Variants in INPP4A observed in about 807,000 individuals in gnomAD.
INPP4A encodes the protein inositol polyphosphate-4-phosphatase type I A, also known as inositol polyphosphate-4-phosphatase, type I, 107kD.
A neutral mutation model predicts 119.8 loss-of-function variants in INPP4A; 33 were observed. The observed-to-expected ratio is 0.28, with a 90% CI of 0.21 to 0.37. INPP4A has a LOEUF of 0.37. Among genes scored for constraint, INPP4A ranks in the 10% least tolerant of loss-of-function variants. INPP4A has a pLI of 1.00. For missense variants in INPP4A, 956 were observed against 1,289.9 expected (o/e 0.74, Z 3.97); for synonymous variants, 496 against 500.7 (o/e 0.99, Z 0.12).
intron 10 of INPP4A, among the ~76,000 whole-genome samples, chr2:98,542,141 C>T (rs1441047532): frequency 1.3e-5 from 2 of 152,220 alleles, no homozygotes; most frequent in Non-Finnish European, 2.9e-5. Context: ...TAAACTAACA[C>T]CTGAAGCATA....
At chr2:98,521,072 G>A (rs1186337513) in intron 4 of INPP4A, 2 of 230,666 alleles carry the variant, frequency 8.7e-6, no homozygotes, top group African/African-American at 2.3e-5. Flanking sequence ...AAGGGAAGGA[G>A]GGGTTGGGGA....
chr2:98,524,822 A>C (rs1687886141), intron 4 of INPP4A, among the ~76,000 whole-genome samples: 1 of 152,230 alleles, frequency 6.6e-6, no homozygotes, highest in African/African-American at 2.4e-5. Context: ...CTAGAAGAAA[A>C]ATAGGAGAAC....
At chr2:98,475,254 A>G (rs940422181) in intron 1 of INPP4A, among the ~76,000 whole-genome samples, 4 of 152,080 alleles carry the variant, frequency 2.6e-5, no homozygotes, top group African/African-American at 9.7e-5. Flanking sequence ...TGGGAGACAG[A>G]GGAGGGCCAG....
intron 16 of INPP4A, among the ~76,000 whole-genome samples, chr2:98,559,170 A>T (rs1347056401): frequency 6.6e-6 from 1 of 152,214 alleles, no homozygotes; most frequent in Non-Finnish European, 1.5e-5. Flanking sequence ...CATTGTAATA[A>T]GCTAGATCGC....
intron 19 of INPP4A, among the ~76,000 whole-genome samples, chr2:98,565,053 T>C (rs1559086127): frequency 6.6e-6 from 1 of 152,236 alleles, no homozygotes; most frequent in Non-Finnish European, 1.5e-5. Context: ...GAGGCACTTG[T>C]GGGCCTGTTT....
intron 24 of INPP4A, chr2:98,581,953 G>C: frequency 3.4e-6 from 3 of 872,526 alleles, no homozygotes; most frequent in Non-Finnish European, 4.9e-6. Context: ...AGACTTGTTT[G>C]TTTAGCTCCT....
intron 4 of INPP4A, among the ~76,000 whole-genome samples, chr2:98,527,554 A>G (rs1384127923): frequency 6.6e-6 from 1 of 152,230 alleles, no homozygotes; most frequent in African/African-American, 2.4e-5. Flanking sequence ...AGGGCTGTGC[A>G]CATGTCCAGA....
At chr2:98,537,332 C>CT (rs1420559527) in intron 7 of INPP4A, among the ~76,000 whole-genome samples, 2 of 152,222 alleles carry the variant, frequency 1.3e-5, no homozygotes, top group East Asian at 3.9e-4. Flanking sequence ...GTAAAGCTGA[C>CT]TGAGGCTGGG....
chr2:98,561,623 T>C (rs769496485), intron 17 of INPP4A, among the ~76,000 whole-genome samples: 2 of 152,262 alleles, frequency 1.3e-5, no homozygotes, highest in Admixed American at 6.5e-5. Context: ...CATAGGAATT[T>C]AGTTTAAAGA....
intron 7 of INPP4A, among the ~76,000 whole-genome samples, chr2:98,536,758 A>G (rs1183466216): frequency 2.0e-5 from 3 of 152,204 alleles, no homozygotes; most frequent in African/African-American, 7.2e-5. Flanking sequence ...AAAATTGGAG[A>G]ACTGTGATCT....
intron 1 of INPP4A, among the ~76,000 whole-genome samples, chr2:98,452,745 G>A (rs3769740): frequency 0.31 from 46,982 of 152,028 alleles, 7,618 homozygotes; most frequent in African/African-American, 0.4. Flanking sequence ...TCCCTGTACA[G>A]CTCGGTGCTA....
Position 98,577,015 on chromosome 2 carries a change from G to A in INPP4A, c.2658G>A (p.Arg886=). The A allele has an allele frequency of 1.2e-6, 2 of 1,613,432 alleles. No individual in the cohort carries two copies. The highest frequency in any genetic ancestry group is 1.7e-6 in the Non-Finnish European group (2 of 1,179,472). ...TCTGCCGCCGCCTTAATGGGGTCCG[G>A]TTCACCAGCTGCAAGAGCGCTAAGG... ...AEICRRLNGV[R]FTSCKSAKDR... Residue 886 remains arginine (R), a synonymous_variant, in exon 24 of 25, where the codon CGG becomes CGA. Coordinates refer to ENST00000409851, the MANE Select transcript of INPP4A (RefSeq NM_001134225.2).
chr2:98,510,172 GT>G (rs572637381), intron 1 of INPP4A, among the ~76,000 whole-genome samples: 2 of 152,242 alleles, frequency 1.3e-5, no homozygotes, highest in Non-Finnish European at 2.9e-5. Flanking sequence ...GGGAGTTGAA[GT>G]CGTACTTGTG....
intron 1 of INPP4A, among the ~76,000 whole-genome samples, chr2:98,467,422 G>T (rs1311719281): frequency 6.6e-6 from 1 of 152,088 alleles, no homozygotes; most frequent in Non-Finnish European, 1.5e-5. Flanking sequence ...CTGTTAACTT[G>T]GTCTCTACAT....
At chr2:98,457,826 G>A (rs1696388677) in intron 1 of INPP4A, among the ~76,000 whole-genome samples, 1 of 152,034 alleles carries the variant, frequency 6.6e-6, no homozygotes, top group African/African-American at 2.4e-5. Context: ...TTTAGAGACG[G>A]GGTCTCGCTC....
intron 1 of INPP4A, among the ~76,000 whole-genome samples, chr2:98,516,194 G>T (rs1686092824): frequency 6.6e-6 from 1 of 152,218 alleles, no homozygotes; most frequent in Non-Finnish European, 1.5e-5. Flanking sequence ...AGACCAAGAA[G>T]AGAAATCGAG....
At position 98,590,874 on chromosome 2, in the gene INPP4A, T is replaced by C. The variant is rs1257606411; in HGVS notation, c.*3266T>C. ...TGCCTTTTCCCTTTATTCTCATTGATGGTAGCAGTGCACCTCGTTTCAGTG... is the reference window on the plus strand; with the variant it reads ...TGCCTTTTCCCTTTATTCTCATTGACGGTAGCAGTGCACCTCGTTTCAGTG... On this transcript the variant is annotated 3_prime_UTR_variant, in exon 25 of 25. Coordinates refer to ENST00000409851, the MANE Select transcript of INPP4A (RefSeq NM_001134225.2). 4.3e-6 allele frequency: 1 copy of C among 231,114 alleles called. No individual in the cohort carries two copies. The highest frequency in any genetic ancestry group is 5.6e-5 in the Admixed American group (1 of 17,728). The allele number at this position is 231,114 out of a possible 1,614,324, so 14.3% of individuals were successfully genotyped here.
intron 5 of INPP4A, 58 bp downstream of exon 5, chr2:98,533,553 T>C (rs1689653855): frequency 1.0e-6 from 1 of 1,004,034 alleles, no homozygotes. Flanking sequence ...TGGTGTCTCT[T>C]GTCCTGATGT....
intron 13 of INPP4A, 182 bp from the exon 14 acceptor site, chr2:98,552,604 A>G (rs533874282): frequency 6.8e-6 from 5 of 732,708 alleles, no homozygotes; most frequent in East Asian, 2.5e-5. Flanking sequence ...AGCTCCTGCC[A>G]TATAGACAGG....
Sources: allele counts gnomAD v4.1 joint callset (sites outside exome capture counted in the v4.1 genomes callset), GRCh38; gene constraint gnomAD v4.1.1; transcripts MANE v1.5; gene names NCBI Gene and HGNC (gene_info 2026-07-23, HGNC 2026-07-21).